The following TNRC18 variants were observed in gnomAD, a reference collection of about 807,000 sequenced individuals.
The protein encoded by TNRC18 is trinucleotide repeat containing 18.
A neutral mutation model predicts 226.7 loss-of-function variants in TNRC18; 69 were observed. The ratio of observed to expected loss-of-function variants is 0.30; its 90% CI spans 0.25 to 0.37. The LOEUF is 0.37. Among genes scored for constraint, TNRC18 ranks in the 10% least tolerant of loss-of-function variants. The pLI, the probability that TNRC18 is intolerant of heterozygous loss-of-function variation, is 1.00. For synonymous variants in TNRC18, 2,449 were observed against 1,927.6 expected (o/e 1.27, Z -7.09); for missense variants, 4,754 against 4,256.6 (o/e 1.12, Z -3.25).
chr7:5,323,250 C>T (rs1188755740), intron 21 of TNRC18, among the ~76,000 whole-genome samples: 3 of 152,108 alleles, frequency 2.0e-5, no homozygotes, highest in African/African-American at 7.2e-5. Context: ...ACCCCTGGGT[C>T]CCAGCCTGGG....
At position 5,387,070 on chromosome 7, in the gene TNRC18, G is replaced by A. The variant is rs186883774; in HGVS notation, c.2152+602C>T. Among the ~76,000 whole-genome samples, 514 of 152,214 alleles carry A rather than the reference G, an allele frequency of 3.4e-3. 7 individuals carry two copies. The highest frequency in any genetic ancestry group is 9.6e-4 in the East Asian group (5 of 5,188). ...GCCTGGGCAACAAGAGTGAAACTCC[G>A]TTTCAAAAATAAATAAATAAATAAA... On this transcript the variant is annotated intron_variant, in intron 5 of 29. Coordinates refer to ENST00000430969, the MANE Select transcript of TNRC18 (RefSeq NM_001080495.3).
intron 2 of TNRC18, among the ~76,000 whole-genome samples, chr7:5,411,440 C>T (rs149995773): frequency 0.013 from 1,914 of 150,422 alleles, 17 homozygotes; most frequent in Non-Finnish European, 0.019. Context: ...ATCACCTGAA[C>T]CCGGGAGGCA....
intron 15 of TNRC18, 86 bp from the exon 16 acceptor site, chr7:5,357,362 C>T: frequency 2.8e-6 from 4 of 1,406,604 alleles, no homozygotes; most frequent in Non-Finnish European, 3.8e-6. Context: ...CCAGCCTGGG[C>T]TCCAATCCTT....
chr7:5,334,438 A>C (rs1243826673), intron 18 of TNRC18, among the ~76,000 whole-genome samples: 2 of 148,832 alleles, frequency 1.3e-5, no homozygotes, highest in Non-Finnish European at 3.0e-5. Context: ...CTGGGACTAC[A>C]GGTGCCCGCC....
In TNRC18 at chr7:5,312,890, G is replaced by C; in HGVS notation, c.8001C>G (p.Ser2667=). ...CCTCGTCTGTGGTGGAGGAAGAAGA[G>C]GAGGAAGAGGAGGAGGAGGAGGAGG... ...SSSSSSSSSS[S]SSSSTTDEDS... is the part of the protein sequence containing the mutation. Residue 2667 remains serine, a synonymous_variant, in exon 27 of 30, where the codon TCC becomes TCG. Transcript: ENST00000430969. This position sits in a 1 kb window ranked among gnomAD's most constrained non-coding sequence, Gnocchi z 6.3. 6.6e-7 allele frequency: 1 copy of C among 1,518,608 alleles called. No individual in the cohort carries two copies. Among genetic ancestry groups the C allele is most frequent in the Non-Finnish European group, 8.8e-7 (1 of 1,132,068 alleles). The allele number at this position is 1,518,608 out of a possible 1,614,324, so 94.1% of individuals were successfully genotyped here.
rs10263032 is a variant in TNRC18 at position 5,333,330 on chromosome 7, T to A, written c.5720-281A>T. ...CCCCTTGAGCTCCTCCAAAACCCCA[T>A]GTGACTTGTGGAAATCCCAGAAGCC... On this transcript the variant is annotated intron_variant, in intron 18 of 29. Transcript: ENST00000430969. 8.7e-3 allele frequency among the ~76,000 whole-genome samples: 1,320 copies of A among 152,254 alleles called. 15 individuals are homozygous for A. The highest frequency in any genetic ancestry group is 0.03 in the African/African-American group (1,260 of 41,554).
intron 2 of TNRC18, among the ~76,000 whole-genome samples, chr7:5,399,383 C>T (rs534672473): frequency 2.0e-5 from 3 of 152,298 alleles, no homozygotes; most frequent in South Asian, 2.1e-4. Context: ...TTATCTCACC[C>T]GACACCTTAG....
intron 16 of TNRC18, 150 bp downstream of exon 16, chr7:5,356,766 T>TGCCAA: frequency 1.7e-6 from 2 of 1,147,386 alleles, no homozygotes; most frequent in Middle Eastern, 3.0e-4. Context: ...TTGGAGGCCA[T>TGCCAA]GCCAAGCTCA....
rs770106840 is a variant in TNRC18 at position 5,357,220 on chromosome 7, G to A, written c.4890C>T (p.Leu1630=). The A allele has an allele frequency of 8.1e-6, 13 of 1,612,190 alleles. No homozygotes were observed. The highest frequency in any genetic ancestry group is 6.7e-5 in the East Asian group (3 of 44,858). ...ASDQEQLASK[L]DKALSLTKQD... is the part of the protein sequence containing the mutation. ...GCTTGGTGAGGGAGAGGGCCTTGTC[G>A]AGCTTGCTTGCCAACTGCTCCTGGT... Residue 1630 remains leucine, a synonymous_variant, in exon 16 of 30, where the codon CTC becomes CTT. Coordinates refer to ENST00000430969, the MANE Select transcript of TNRC18 (RefSeq NM_001080495.3).
chr7:5,346,309 C>T (rs1198632343), intron 17 of TNRC18, among the ~76,000 whole-genome samples: 1 of 152,118 alleles, frequency 6.6e-6, no homozygotes, highest in Non-Finnish European at 1.5e-5. Context: ...TGAGGGCTGG[C>T]GGCAGGAGAA....
Position 5,356,823 on chromosome 7 carries a change from TGAG to T in TNRC18, c.5194+90_5194+92del, listed in dbSNP as rs1490248229. ...GAGAGAGCGAGAGCGAGAGAGAGAG[TGAG>T]GGGCGGGGGGGGAAGGAGGACGGTG... On this transcript the variant is annotated intron_variant, in intron 16 of 29. Coordinates refer to ENST00000430969, the MANE Select transcript of TNRC18 (RefSeq NM_001080495.3). The T allele has an allele frequency of 8.7e-6, 11 of 1,261,288 alleles. No homozygotes were observed. The African/African-American group carries it at 1.7e-4, about 19-fold the overall frequency. 78.1% of individuals were successfully genotyped at this position (1,261,288 alleles called of 1,614,324 possible). A position where few individuals can be genotyped will look rare whatever the true frequency, so the allele number is the denominator to read the frequency against.
In TNRC18 at chr7:5,309,281, C is replaced by T. The variant is rs749052320; in HGVS notation, c.8476G>A (p.Val2826Met). 2.5e-5 allele frequency: 40 copies of T among 1,613,744 alleles called. No individual in the cohort carries two copies. Among genetic ancestry groups the T allele is most frequent in the Non-Finnish European group, 3.1e-5 (37 of 1,179,810 alleles). ...TTGGGGCGGCCGGCAGAGAGGAACA[C>T]GGCACAGTCCCCGATACGGATCATC... Reference protein sequence around the residue: ...KEMIRIGDCAVFLSAGRPNLP... With the variant: ...KEMIRIGDCAMFLSAGRPNLP... Residue 2826 changes from valine (V) to methionine (M), a missense_variant, in exon 28 of 30, where the codon GTG becomes ATG. Transcript: ENST00000430969. The surrounding 1 kb of genome is among the most constrained non-coding windows in gnomAD (Gnocchi z 5.7).
Position 5,377,313 on chromosome 7 carries a change from C to CCCCCCCCCCCCCCCCCCA in TNRC18, c.2461+57_2461+58insTGGGGGGGGGGGGGGGGG. ...GCCAGCCCTGAGCTCTTGTCCTGCA[C>CCCCCCCCCCCCCCCCCCA]CCGCCCCCTCCCACCCCTCCCTCAG... On this transcript the variant is annotated intron_variant, in intron 7 of 29. Transcript: ENST00000430969. The surrounding 1 kb of genome is among the most constrained non-coding windows in gnomAD (Gnocchi z 5.8). The CCCCCCCCCCCCCCCCCCA allele has an allele frequency of 8.2e-7, 1 of 1,223,728 alleles. No individual in the cohort carries two copies. Among genetic ancestry groups the CCCCCCCCCCCCCCCCCCA allele is most frequent in the Non-Finnish European group, 1.1e-6 (1 of 884,898 alleles). The allele number at this position is 1,223,728 out of a possible 1,614,324, so 75.8% of individuals were successfully genotyped here.
chr7:5,411,515 CAAAAAA>C (rs764197407), intron 2 of TNRC18, among the ~76,000 whole-genome samples: 13 of 65,472 alleles, frequency 2.0e-4, no homozygotes, highest in African/African-American at 5.2e-4. Context: ...AAGACTCTGT[CAAAAAA>C]AAAAAAAAAA....
chr7:5,344,241 GTC>G (rs1254482426), intron 18 of TNRC18, among the ~76,000 whole-genome samples: 5 of 152,230 alleles, frequency 3.3e-5, no homozygotes, highest in African/African-American at 1.2e-4. Context: ...AGCAATCAGA[GTC>G]TGATGGTGGT....
At chr7:5,320,147 C>A in intron 24 of TNRC18, 171 bp downstream of exon 24, 1 of 605,278 alleles carries the variant, frequency 1.7e-6, no homozygotes, top group South Asian at 1.9e-5. Context: ...GTCCTGATGA[C>A]ATCGTTTAAA....
intron 27 of TNRC18, among the ~76,000 whole-genome samples, chr7:5,310,316 G>A (rs942322298): frequency 2.0e-5 from 3 of 152,112 alleles, no homozygotes; most frequent in African/African-American, 7.2e-5. Context: ...TGTAGCCTCT[G>A]CCTCCCAGGT....
At position 5,374,182 on chromosome 7, in the gene TNRC18, C is replaced by A; in HGVS notation, c.3102G>T (p.Pro1034=). ...PATPSSHPTS[P]PPASPPPTPG... ...GGGTGGGCGGTGGGGAGGCGGGCGG[C>A]GGGCTGGTGGGGTGGGAGCTGGGGG... Residue 1034 remains proline, a synonymous_variant, in exon 10 of 30, where the codon CCG becomes CCT. Transcript: ENST00000430969. The A allele has an allele frequency of 5.2e-6, 1 of 191,736 alleles. No homozygotes were observed. Among genetic ancestry groups the A allele is most frequent in the Non-Finnish European group, 6.2e-6 (1 of 161,448 alleles). The allele number at this position is 191,736 out of a possible 1,614,324, so 11.9% of individuals were successfully genotyped here. A position where few individuals can be genotyped will look rare whatever the true frequency, so the allele number is the denominator to read the frequency against.
chr7:5,314,985 A>G lies in TNRC18; in HGVS notation c.7026T>C (p.Gly2342=). Residue 2342 remains glycine, a splice_region_variant and synonymous_variant, in exon 26 of 30, where the codon GGT becomes GGC. Coordinates refer to ENST00000430969, the MANE Select transcript of TNRC18 (RefSeq NM_001080495.3). ...RGRKPSAKAK[G]DRAATLEEGN... is the part of the protein sequence containing the mutation. ...GCCCTGGGGACCAGGCCAACCTACC[A>G]CCCTTGGCCTTGGCGCTGGGTTTCC... is the stretch of plus-strand genomic sequence containing the variant. 1.2e-6 allele frequency: 2 copies of G among 1,604,190 alleles called. No individual in the cohort carries two copies. Among genetic ancestry groups the G allele is most frequent in the Non-Finnish European group, 8.5e-7 (1 of 1,176,732 alleles).
Sources: allele counts gnomAD v4.1 joint callset (sites outside exome capture counted in the v4.1 genomes callset), GRCh38; gene constraint gnomAD v4.1.1; non-coding constraint Gnocchi (gnomAD v3.1); transcripts MANE v1.5; gene names NCBI Gene and HGNC (gene_info 2026-07-23, HGNC 2026-07-21).